Variants in EPHA7 observed in about 807,000 individuals in gnomAD.
EPHA7 encodes EPH receptor A7, also known as ephrin type-A receptor 7.
Under a neutral mutation model 112.6 loss-of-function variants are expected in EPHA7, and 25 were observed. The ratio of observed to expected loss-of-function variants is 0.22; its 90% CI spans 0.16 to 0.31. The LOEUF (loss-of-function observed/expected upper bound fraction) is 0.31, where lower values mean the gene tolerates loss of function less well. EPHA7 is among the 10% of genes least tolerant of loss of function. The probability of loss-of-function intolerance (pLI) is 1.00; values close to 1 mark genes in which losing one functional copy is unlikely to be tolerated. For synonymous variants in EPHA7, 437 were observed against 406.5 expected, an observed-to-expected ratio of 1.07 and a Z score of -0.90; for missense variants, 962 against 1,212.6, an observed-to-expected ratio of 0.79 and a Z score of 3.07.
chr6:93,350,939 C>A (rs944693664), intron 5 of EPHA7, among the ~76,000 whole-genome samples: 2 of 152,000 alleles, frequency 1.3e-5, no homozygotes, highest in Admixed American at 1.3e-4. Context: ...AATCTTTATT[C>A]ATCCAGTTCA....
At chr6:93,296,723 G>A (rs1772692810) in intron 5 of EPHA7, among the ~76,000 whole-genome samples, 1 of 151,642 alleles carries the variant, frequency 6.6e-6, no homozygotes, top group Non-Finnish European at 1.5e-5. Context: ...CATGATGCAG[G>A]TCAGAGGCTA....
intron 3 of EPHA7, among the ~76,000 whole-genome samples, chr6:93,395,148 T>A (rs1405065024): frequency 1.3e-5 from 2 of 151,820 alleles, no homozygotes; most frequent in African/African-American, 4.8e-5. Context: ...TAAGAAAGAT[T>A]ATTAGATTTT....
chr6:93,350,483 T>C (rs899136766), intron 5 of EPHA7, among the ~76,000 whole-genome samples: 1 of 152,056 alleles, frequency 6.6e-6, no homozygotes, highest in Non-Finnish European at 1.5e-5. Context: ...ACTTTTAAAA[T>C]GATATCAGTT....
intron 13 of EPHA7, among the ~76,000 whole-genome samples, chr6:93,255,081 C>T (rs1468131348): frequency 6.6e-6 from 1 of 152,064 alleles, no homozygotes; most frequent in African/African-American, 2.4e-5. Flanking sequence ...CTGTGGCTCA[C>T]ATCTGTAATC....
At chr6:93,403,786 C>G (rs1582677299) in intron 3 of EPHA7, among the ~76,000 whole-genome samples, 1 of 151,292 alleles carries the variant, frequency 6.6e-6, no homozygotes, top group South Asian at 2.1e-4. Context: ...ATGGTAACTA[C>G]GTAGGAAAAA....
chr6:93,332,512 TTTATAGGAACTCAA>T (rs530295855), intron 5 of EPHA7, among the ~76,000 whole-genome samples: 1,582 of 151,750 alleles, frequency 0.01, 24 homozygotes, highest in South Asian at 0.029. Context: ...TTATATGCAA[TTTATAGGAACTCAA>T]TTATAATGTT....
rs186317982 is a variant in EPHA7, at chr6:93,352,962, G to A, written c.1324+3755C>T. On this transcript the variant is annotated intron_variant, in intron 5 of 16. Coordinates refer to ENST00000369303, the MANE Select transcript of EPHA7 (RefSeq NM_004440.4). ...GGGTGGAGGGTGGCCAGAGGGAGAG[G>A]ATTAGCAAAAATAACAAATGGGCAG... 1.3e-3 allele frequency among the ~76,000 whole-genome samples: 195 copies of A among 152,060 alleles called. 2 individuals are homozygous for A. Among genetic ancestry groups the A allele is most frequent in the Middle Eastern group, 6.8e-3 (2 of 294 alleles).
rs374550153 is a variant in EPHA7 at position 93,258,092 on chromosome 6, T to A, written c.2110+7A>T. 1 of 1,610,872 alleles carries A rather than the reference T, an allele frequency of 6.2e-7. No individual in the cohort carries two copies. The highest frequency in any genetic ancestry group is 8.5e-7 in the Non-Finnish European group (1 of 1,177,934). The stretch of plus-strand genomic sequence containing the variant: ...TTTGATAAAATAAAGATATAACCAA[T>A]ATCTACCTCTTGTAACAACCCCTTC... On this transcript the variant is annotated splice_region_variant and intron_variant, in intron 11 of 16. Transcript: ENST00000369303.
intron 5 of EPHA7, among the ~76,000 whole-genome samples, chr6:93,282,183 T>C (rs1186398247): frequency 6.6e-6 from 1 of 152,116 alleles, no homozygotes; most frequent in Non-Finnish European, 1.5e-5. Flanking sequence ...ACAGGGTCCA[T>C]GAGAAGGAAA....
intron 3 of EPHA7, among the ~76,000 whole-genome samples, chr6:93,383,808 C>A (rs192662088): frequency 2.6e-5 from 4 of 152,166 alleles, no homozygotes; most frequent in Admixed American, 2.6e-4. Flanking sequence ...AGCCATCTGC[C>A]CACTTCAGCT....
intron 5 of EPHA7, among the ~76,000 whole-genome samples, chr6:93,277,969 C>T (rs1771550041): frequency 6.6e-6 from 1 of 151,794 alleles, no homozygotes; most frequent in Non-Finnish European, 1.5e-5. Flanking sequence ...TAATAAAATA[C>T]CTAATAAGAA....
At chr6:93,326,340 AT>A (rs1238954758) in intron 5 of EPHA7, among the ~76,000 whole-genome samples, 3 of 151,414 alleles carry the variant, frequency 2.0e-5, no homozygotes, top group Non-Finnish European at 4.4e-5. Flanking sequence ...ACTGCACAAC[AT>A]TCAGTGTCAT....
At chr6:93,268,264 C>T (rs997027880) in intron 7 of EPHA7, among the ~76,000 whole-genome samples, 7 of 151,492 alleles carry the variant, frequency 4.6e-5, no homozygotes, top group South Asian at 2.1e-4. Flanking sequence ...TTTCAGCATA[C>T]GTTTTTATTA....
rs546509392 is a variant in EPHA7, at chr6:93,264,610, A to C, written c.1726T>G (p.Phe576Val). Residue 576 changes from phenylalanine to valine, a missense_variant, in exon 8 of 17, where the codon TTC becomes GTC. Around this residue, in one of 3 missense-constraint regions of EPHA7, gnomAD observed 746 missense variants for 889.2 expected, o/e 0.84. Coordinates refer to ENST00000369303, the MANE Select transcript of EPHA7 (RefSeq NM_004440.4). ...GTGTTCTACCTTCTCCCAATGATGAAGCCAAAGACCATGAACACCAAAATG... is the reference window on the plus strand; with the variant it reads ...GTGTTCTACCTTCTCCCAATGATGACGCCAAAGACCATGAACACCAAAATG... ...TIILVFMVFG[F>V]IIGRRHCGYS... is the part of the protein sequence containing the mutation. The C allele has an allele frequency of 6.2e-7, 1 of 1,604,336 alleles. No homozygotes were observed. Among genetic ancestry groups the C allele is most frequent in the Admixed American group, 1.7e-5 (1 of 59,248 alleles).
intron 5 of EPHA7, among the ~76,000 whole-genome samples, chr6:93,322,269 G>T (rs1345780135): frequency 6.6e-6 from 1 of 151,686 alleles, no homozygotes; most frequent in East Asian, 1.9e-4. Flanking sequence ...GATAAAAGAA[G>T]TAAAGTTTAA....
chr6:93,291,873 C>T (rs574476992), intron 5 of EPHA7, among the ~76,000 whole-genome samples: 100 of 150,942 alleles, frequency 6.6e-4, no homozygotes, highest in Middle Eastern at 3.4e-3. Context: ...ATTTGCAAAA[C>T]TGTACATTAC....
intron 11 of EPHA7, among the ~76,000 whole-genome samples, chr6:93,257,853 C>A (rs1388550302): frequency 1.3e-5 from 2 of 151,958 alleles, no homozygotes; most frequent in African/African-American, 4.8e-5. Flanking sequence ...GAAATAAAAA[C>A]ATTTATCAGT....
intron 5 of EPHA7, among the ~76,000 whole-genome samples, chr6:93,352,222 T>C (rs1253906607): frequency 6.6e-6 from 1 of 152,110 alleles, no homozygotes; most frequent in Non-Finnish European, 1.5e-5. Context: ...AGACCACATA[T>C]TACAATTGCT....
chr6:93,358,458 A>G (rs773335597), intron 3 of EPHA7, 47 bp from the exon 4 acceptor site: 1 of 1,493,016 alleles, frequency 6.7e-7, no homozygotes, highest in Non-Finnish European at 9.0e-7. Flanking sequence ...GAGCAAATCG[A>G]TCTTTAAAAA....
Sources: gnomAD v4.1 joint callset for allele counts (sites outside exome capture counted in the v4.1 genomes callset) on GRCh38, gnomAD v4.1.1 for gene constraint, gnomAD v4.1.1 regional missense constraint, MANE v1.5 for transcripts, NCBI Gene and HGNC (gene_info 2026-07-23, HGNC 2026-07-21) for gene names.